Variants in SCHIP1 observed in about 807,000 individuals in gnomAD.
SCHIP1 encodes schwannomin interacting protein 1.
SCHIP1 carries 8 observed loss-of-function variants against 29.7 expected under a neutral mutation model. That is an observed-to-expected ratio of 0.27 (90% CI 0.16 to 0.49). SCHIP1 has a LOEUF of 0.49. Among genes scored for constraint, SCHIP1 ranks in the 20% least tolerant of loss-of-function variants. SCHIP1 has a pLI of 0.99. For synonymous variants in SCHIP1, 76 were observed against 94.9 expected (o/e 0.80, Z 1.16); for missense variants, 193 against 294.6 (o/e 0.66, Z 2.52).
At chr3:159,849,924 G>A (rs943535545) in intron 1 of SCHIP1, among the ~76,000 whole-genome samples, 3 of 152,144 alleles carry the variant, frequency 2.0e-5, no homozygotes, top group Admixed American at 6.5e-5. Context: ...TTCATTGTGC[G>A]CTTATCGTGT....
chr3:159,677,220 C>T, the SCHIP1 span, among the ~76,000 whole-genome samples: 1 of 152,216 alleles, frequency 6.6e-6, no homozygotes, highest in African/African-American at 2.4e-5. Flanking sequence ...TGCAAGCCTA[C>T]AACCCTGACC....
the SCHIP1 span, among the ~76,000 whole-genome samples, chr3:159,647,712 C>T: frequency 6.6e-6 from 1 of 152,158 alleles, no homozygotes; most frequent in Non-Finnish European, 1.5e-5. Context: ...AACAATTGTT[C>T]ACCACTGTTC....
chr3:159,488,833 A>G, the SCHIP1 span, among the ~76,000 whole-genome samples: 13 of 152,344 alleles, frequency 8.5e-5, no homozygotes, highest in African/African-American at 2.4e-4. Flanking sequence ...CATCTGCTTC[A>G]GATTTATTTT....
chr3:159,399,742 T>G, the SCHIP1 span, among the ~76,000 whole-genome samples: 16 of 152,302 alleles, frequency 1.1e-4, no homozygotes, highest in East Asian at 1.9e-4. Flanking sequence ...AGTGGCACAG[T>G]TACAGTTCAC....
chr3:159,563,150 T>C, the SCHIP1 span, among the ~76,000 whole-genome samples: 1 of 152,192 alleles, frequency 6.6e-6, no homozygotes, highest in Non-Finnish European at 1.5e-5. Context: ...GTCAGCTCCC[T>C]GGCAGCAAGT....
chr3:159,461,777 T>C, the SCHIP1 span, among the ~76,000 whole-genome samples: 1 of 152,094 alleles, frequency 6.6e-6, no homozygotes, highest in Non-Finnish European at 1.5e-5. Context: ...TATACATCTC[T>C]GTTTAAATTT....
the SCHIP1 span, among the ~76,000 whole-genome samples, chr3:159,685,211 T>C: frequency 6.6e-6 from 1 of 152,176 alleles, no homozygotes; most frequent in African/African-American, 2.4e-5. Context: ...CCCAAATAGA[T>C]TGTAAATTCC....
At chr3:159,642,493 C>T in the SCHIP1 span, among the ~76,000 whole-genome samples, 237 of 152,166 alleles carry the variant, frequency 1.6e-3, no homozygotes, top group African/African-American at 2.3e-3. Flanking sequence ...TGTTTAACTT[C>T]CTCTAAAATG....
the SCHIP1 span, among the ~76,000 whole-genome samples, chr3:159,594,063 C>T: frequency 1.3e-5 from 2 of 152,230 alleles, no homozygotes; most frequent in Admixed American, 1.3e-4. Context: ...CTCCCGGTTT[C>T]CCCTGTGTAG....
chr3:159,786,763 G>A, the SCHIP1 span, among the ~76,000 whole-genome samples: 2 of 151,724 alleles, frequency 1.3e-5, no homozygotes, highest in Non-Finnish European at 2.9e-5. Flanking sequence ...GTGTGTAGTG[G>A]AGGGATGGTT....
the SCHIP1 span, among the ~76,000 whole-genome samples, chr3:159,638,826 T>G: frequency 6.6e-6 from 1 of 152,060 alleles, no homozygotes; most frequent in Non-Finnish European, 1.5e-5. Flanking sequence ...AATATTCACA[T>G]AATATTGAAC....
At chr3:159,473,665 T>C in the SCHIP1 span, among the ~76,000 whole-genome samples, 1 of 82,000 alleles carries the variant, frequency 1.2e-5, no homozygotes, top group Non-Finnish European at 2.4e-5. Flanking sequence ...CTACAGGAAA[T>C]GTAACTACGA....
At chr3:159,838,657 G>A (rs1397194282), upstream of SCHIP1, among the ~76,000 whole-genome samples, 3 of 152,060 alleles carry the variant, frequency 2.0e-5, no homozygotes, top group South Asian at 4.1e-4. Flanking sequence ...TTGGGAGGCC[G>A]AGGCAGGCGG....
At chr3:159,696,998 T>C in the SCHIP1 span, among the ~76,000 whole-genome samples, 12 of 152,286 alleles carry the variant, frequency 7.9e-5, no homozygotes, top group African/African-American at 2.4e-4. Context: ...GATTTGTTTA[T>C]CCCTAAAGCA....
At chr3:159,827,214 G>A in the SCHIP1 span, among the ~76,000 whole-genome samples, 6 of 152,116 alleles carry the variant, frequency 3.9e-5, no homozygotes, top group Admixed American at 2.0e-4. Flanking sequence ...AAGGATGTAC[G>A]AACAGTCCAT....
the SCHIP1 span, among the ~76,000 whole-genome samples, chr3:159,754,851 C>A: frequency 1.3e-5 from 2 of 152,194 alleles, no homozygotes; most frequent in Admixed American, 6.5e-5. Flanking sequence ...GAGGATGAAA[C>A]CTGCTTTTCA....
At chr3:159,491,793 A>G in the SCHIP1 span, among the ~76,000 whole-genome samples, 1 of 152,248 alleles carries the variant, frequency 6.6e-6, no homozygotes. Flanking sequence ...GAGAACAGGC[A>G]GACTGCCTCC....
chr3:159,678,342 G>T, the SCHIP1 span, among the ~76,000 whole-genome samples: 1 of 152,174 alleles, frequency 6.6e-6, no homozygotes, highest in South Asian at 2.1e-4. Context: ...ATGAATGATT[G>T]ATAGTCCCCT....
At chr3:159,712,909 C>A in the SCHIP1 span, among the ~76,000 whole-genome samples, 1 of 149,626 alleles carries the variant, frequency 6.7e-6, no homozygotes, top group Non-Finnish European at 1.5e-5. Flanking sequence ...TGCCTGTAAT[C>A]CCACTTTGGG....
Sources: gnomAD v4.1 joint callset for allele counts (sites outside exome capture counted in the v4.1 genomes callset) on GRCh38, gnomAD v4.1.1 for gene constraint, MANE v1.5 for transcripts, NCBI Gene and HGNC (gene_info 2026-07-23, HGNC 2026-07-21) for gene names.